Variants in RPS6KA5 observed in about 807,000 individuals in gnomAD.
RPS6KA5 encodes ribosomal protein S6 kinase A5, also known as ribosomal protein S6 kinase alpha-5.
A neutral mutation model predicts 85.5 loss-of-function variants in RPS6KA5; 27 were observed. That is an observed-to-expected ratio of 0.32 (90% CI 0.23 to 0.44). The LOEUF (loss-of-function observed/expected upper bound fraction) is 0.44. Among genes scored for constraint, RPS6KA5 ranks in the 20% least tolerant of loss-of-function variants. The pLI is 1.00. For synonymous variants in RPS6KA5, 334 were observed against 348.2 expected (o/e 0.96, Z 0.46); for missense variants, 811 against 980.9 (o/e 0.83, Z 2.31).
chr14:91,032,902 G>A (rs1172966797), intron 1 of RPS6KA5, among the ~76,000 whole-genome samples: 5 of 152,118 alleles, frequency 3.3e-5, no homozygotes, highest in Non-Finnish European at 7.4e-5. Flanking sequence ...GGCTGGGCGA[G>A]GTGGCTCACA....
At chr14:90,907,535 A>G (rs1276721171) in intron 7 of RPS6KA5, among the ~76,000 whole-genome samples, 2 of 152,226 alleles carry the variant, frequency 1.3e-5, no homozygotes, top group Admixed American at 1.3e-4. Flanking sequence ...AGGCAACCAT[A>G]TAGAAAATAG....
chr14:90,921,012 G>T (rs1023503777), intron 6 of RPS6KA5, among the ~76,000 whole-genome samples: 1 of 152,094 alleles, frequency 6.6e-6, no homozygotes, highest in African/African-American at 2.4e-5. Context: ...GATTACAGGC[G>T]TGAGCCACCA....
intron 5 of RPS6KA5, among the ~76,000 whole-genome samples, chr14:90,938,890 C>CA (rs540935479): frequency 3.9e-4 from 60 of 152,312 alleles, no homozygotes; most frequent in African/African-American, 1.3e-3. Context: ...CCATTTTCCC[C>CA]ACTTGTTATA....
chr14:90,925,963 GA>G (rs2140305225), intron 5 of RPS6KA5, among the ~76,000 whole-genome samples: 1 of 112,792 alleles, frequency 8.9e-6, no homozygotes, highest in South Asian at 2.8e-4. Context: ...AAAAAAAAAA[GA>G]AAAGAAAAGA....
At chr14:91,049,093 A>G (rs1375651931) in intron 1 of RPS6KA5, among the ~76,000 whole-genome samples, 1 of 152,212 alleles carries the variant, frequency 6.6e-6, no homozygotes, top group Non-Finnish European at 1.5e-5. Flanking sequence ...CCCTTGACAG[A>G]AGGGATAAGA....
At chr14:91,053,223 T>C (rs890135316) in intron 1 of RPS6KA5, among the ~76,000 whole-genome samples, 6 of 152,116 alleles carry the variant, frequency 3.9e-5, no homozygotes, top group African/African-American at 1.2e-4. Flanking sequence ...TTTGATAAAA[T>C]ACATCTATGA....
chr14:90,968,614 G>T (rs1250278135), intron 3 of RPS6KA5, among the ~76,000 whole-genome samples: 1 of 152,078 alleles, frequency 6.6e-6, no homozygotes, highest in Non-Finnish European at 1.5e-5. Flanking sequence ...TAGAGTCAAT[G>T]AATACTTTTC....
intron 12 of RPS6KA5, among the ~76,000 whole-genome samples, chr14:90,895,892 GA>G (rs959759660): frequency 6.6e-6 from 1 of 151,656 alleles, no homozygotes; most frequent in Non-Finnish European, 1.5e-5. Context: ...TCTCAAAAAA[GA>G]AAAAAAGCAA....
intron 1 of RPS6KA5, among the ~76,000 whole-genome samples, chr14:91,009,912 C>A (rs1323975138): frequency 6.6e-6 from 1 of 151,958 alleles, no homozygotes; most frequent in African/African-American, 2.4e-5. Flanking sequence ...AGAAGTGGTT[C>A]AACTAACCAT....
In RPS6KA5 at chr14:90,989,902, AG is replaced by A. The variant is rs557278807; in HGVS notation, c.175+11185del. On this transcript the variant is annotated intron_variant, in intron 2 of 16. Transcript: ENST00000614987. ...GGGCAACAGGGTTGGAAAAATATAC[AG>A]GGATGATCGTAAGAGCTTACAATCC... Among the ~76,000 whole-genome samples the A allele has an allele frequency of 2.3e-3, 353 of 152,334 alleles. 1 individual carries two copies. Among genetic ancestry groups the A allele is most frequent in the Admixed American group, 4.6e-3 (71 of 15,304 alleles).
chr14:90,917,243 A>ATT (rs1260216890), intron 7 of RPS6KA5, among the ~76,000 whole-genome samples: 1 of 152,222 alleles, frequency 6.6e-6, no homozygotes, highest in Non-Finnish European at 1.5e-5. Flanking sequence ...ACTCACCCTG[A>ATT]TTTTAAAAAG....
intron 1 of RPS6KA5, among the ~76,000 whole-genome samples, chr14:91,023,082 T>TAAAAAAAA (rs368649949): frequency 1.0e-5 from 1 of 96,460 alleles, no homozygotes. Context: ...AAACTCTATC[T>TAAAAAAAA]AAAAAAAAAA....
chr14:90,967,017 C>T (rs1216357879), intron 3 of RPS6KA5, among the ~76,000 whole-genome samples: 2 of 151,984 alleles, frequency 1.3e-5, no homozygotes, highest in African/African-American at 2.4e-5. Flanking sequence ...ATCAATAGTC[C>T]ATCTTTATGA....
At position 91,060,338 on chromosome 14, in the gene RPS6KA5, G is replaced by C; in HGVS notation, c.97C>G (p.Arg33Gly). Residue 33 changes from arginine (R) to glycine (G), a missense_variant, in exon 1 of 17, where the codon CGG becomes GGG. This residue lies in a region of RPS6KA5 where 113 missense variants were observed against 100.0 expected (regional missense o/e 1.13). Transcript: ENST00000614987. ...AGAGGGCGGGGTCGCTCACCAGTCC[G>C]CAGCTCGTGCTTGACAGTGAGGAGC... ...EQLLTVKHEL[R>G]TANLTGHAEK... 7.1e-7 allele frequency: 1 copy of C among 1,399,092 alleles called. No homozygotes were observed. The highest frequency in any genetic ancestry group is 9.4e-7 in the Non-Finnish European group (1 of 1,066,146). 86.7% of individuals were successfully genotyped at this position (1,399,092 alleles called of 1,614,324 possible). A position where few individuals can be genotyped will look rare whatever the true frequency, so the allele number is the denominator to read the frequency against.
Position 90,854,598 on chromosome 14 carries a change from G to A in RPS6KA5, c.*17476C>T, listed in dbSNP as rs1200411448. 1.3e-5 allele frequency: 2 copies of A among 152,012 alleles called. No homozygotes were observed. The highest frequency in any genetic ancestry group is 2.9e-5 in the Non-Finnish European group (2 of 67,982). The allele number at this position is 152,012 out of a possible 1,614,324, so 9.4% of individuals were successfully genotyped here. A position where few individuals can be genotyped will look rare whatever the true frequency, so the allele number is the denominator to read the frequency against. On this transcript the variant is annotated 3_prime_UTR_variant, in exon 17 of 17. Transcript: ENST00000614987. ...CACTAGATTCCACAGCAAGGACACT[G>A]GAATTTAAAAATCTGGAATACTTTA...
chr14:90,944,803 G>C (rs1345675505), intron 4 of RPS6KA5, among the ~76,000 whole-genome samples: 1 of 150,806 alleles, frequency 6.6e-6, no homozygotes, highest in Non-Finnish European at 1.5e-5. Context: ...TGTAGTCCTA[G>C]AGCTACTCGG....
At chr14:90,956,964 G>GTTTTTTT (rs61106740) in intron 3 of RPS6KA5, among the ~76,000 whole-genome samples, 2 of 123,354 alleles carry the variant, frequency 1.6e-5, no homozygotes, top group African/African-American at 3.1e-5. Context: ...CTGTTTTTCT[G>GTTTTTTT]TTTTTTTTTT....
chr14:90,890,793 A>C, intron 13 of RPS6KA5, 115 bp from the exon 14 acceptor site: 19 of 891,028 alleles, frequency 2.1e-5, no homozygotes, highest in Non-Finnish European at 2.8e-5. Context: ...GAGAGGTCTC[A>C]TGGGGAGGCG....
At chr14:91,012,350 T>C (rs1257524555) in intron 1 of RPS6KA5, among the ~76,000 whole-genome samples, 3 of 152,248 alleles carry the variant, frequency 2.0e-5, no homozygotes, top group Non-Finnish European at 4.4e-5. Context: ...TTTTGTCTTT[T>C]TAAAACTGTT....
Sources: gnomAD v4.1 joint callset for allele counts (sites outside exome capture counted in the v4.1 genomes callset) on GRCh38, gnomAD v4.1.1 for gene constraint, gnomAD v4.1.1 regional missense constraint, MANE v1.5 for transcripts, NCBI Gene and HGNC (gene_info 2026-07-23, HGNC 2026-07-21) for gene names.